Variants in EXOC4 observed in about 807,000 individuals in gnomAD.
EXOC4 encodes exocyst complex component 4.
Under a neutral mutation model 107.2 loss-of-function variants are expected in EXOC4, and 71 were observed. The observed-to-expected ratio is 0.66, with a 90% confidence interval of 0.55 to 0.81. EXOC4 has a LOEUF of 0.81. Among genes scored for constraint, EXOC4 ranks in the 30% least tolerant of loss-of-function variants. The probability of loss-of-function intolerance (pLI) is 0.00; values close to 1 mark genes in which losing one functional copy is unlikely to be tolerated. For synonymous variants in EXOC4, 456 were observed against 441.2 expected (o/e 1.03, Z -0.42); for missense variants, 1,108 against 1,189.6 (o/e 0.93, Z 1.01).
chr7:133,759,831 A>G (rs1366661323), intron 10 of EXOC4, among the ~76,000 whole-genome samples: 1 of 152,168 alleles, frequency 6.6e-6, no homozygotes, highest in Non-Finnish European at 1.5e-5. Flanking sequence ...AGGAAGGAGT[A>G]CAGTAGAAGA....
At chr7:133,360,090 A>G (rs1342763520) in intron 6 of EXOC4, among the ~76,000 whole-genome samples, 1 of 152,256 alleles carries the variant, frequency 6.6e-6, no homozygotes, top group Non-Finnish European at 1.5e-5. Flanking sequence ...AAAGACAGGC[A>G]GCGTCTTCAA....
chr7:133,737,721 GTTTGT>G (rs1562976944), intron 10 of EXOC4, among the ~76,000 whole-genome samples: 1 of 151,844 alleles, frequency 6.6e-6, no homozygotes, highest in Non-Finnish European at 1.5e-5. Context: ...GGTTTTTCAG[GTTTGT>G]TTTGTTTTTT....
intron 5 of EXOC4, among the ~76,000 whole-genome samples, chr7:133,350,171 A>C (rs1795875481): frequency 6.6e-6 from 1 of 152,118 alleles, no homozygotes; most frequent in Middle Eastern, 3.4e-3. Context: ...AAAATTTTAA[A>C]ATTTTCATGC....
intron 9 of EXOC4, among the ~76,000 whole-genome samples, chr7:133,581,113 C>T (rs1437066559): frequency 6.6e-6 from 1 of 152,168 alleles, no homozygotes; most frequent in Non-Finnish European, 1.5e-5. Flanking sequence ...TTTCCTGCTG[C>T]TTTTGATACA....
At chr7:133,312,278 G>C (rs1284259809) in intron 4 of EXOC4, among the ~76,000 whole-genome samples, 1 of 152,054 alleles carries the variant, frequency 6.6e-6, no homozygotes, top group Non-Finnish European at 1.5e-5. Context: ...AAAGCAAGTT[G>C]AAAAATAGCA....
At chr7:133,407,628 A>T (rs1442502772) in intron 7 of EXOC4, among the ~76,000 whole-genome samples, 1 of 152,212 alleles carries the variant, frequency 6.6e-6, no homozygotes, top group African/African-American at 2.4e-5. Context: ...TGTGTGTAAG[A>T]TGTAGTCCAC....
intron 6 of EXOC4, among the ~76,000 whole-genome samples, chr7:133,367,893 TGATA>T (rs1473125975): frequency 4.6e-5 from 7 of 152,224 alleles, no homozygotes; most frequent in Admixed American, 4.6e-4. Context: ...TCATTGTCAC[TGATA>T]CTTCATTTCA....
At chr7:133,442,017 C>T (rs1298084467) in intron 7 of EXOC4, among the ~76,000 whole-genome samples, 1 of 152,224 alleles carries the variant, frequency 6.6e-6, no homozygotes, top group Non-Finnish European at 1.5e-5. Context: ...ATTCTGACCA[C>T]TTGGTCATTC....
the EXOC4 span, among the ~76,000 whole-genome samples, chr7:134,078,040 G>A: frequency 6.6e-6 from 1 of 152,160 alleles, no homozygotes; most frequent in Non-Finnish European, 1.5e-5. Context: ...GCCTGTTGCT[G>A]CCTCTGGGAC....
chr7:133,418,256 A>G (rs1432838366), intron 7 of EXOC4, among the ~76,000 whole-genome samples: 1 of 152,182 alleles, frequency 6.6e-6, no homozygotes, highest in Non-Finnish European at 1.5e-5. Flanking sequence ...GTGCCCAGAA[A>G]TTTAGTATTG....
At chr7:133,497,443 T>C (rs865786974) in intron 9 of EXOC4, among the ~76,000 whole-genome samples, 3 of 151,800 alleles carry the variant, frequency 2.0e-5, no homozygotes, top group Admixed American at 6.6e-5. Context: ...TTTTTTTTTT[T>C]TGAGACGGAG....
intron 12 of EXOC4, among the ~76,000 whole-genome samples, chr7:133,910,265 A>T (rs145001123): frequency 6.6e-6 from 1 of 152,200 alleles, no homozygotes; most frequent in Non-Finnish European, 1.5e-5. Flanking sequence ...CCTGTGTTAC[A>T]GTATAATTTT....
chr7:133,833,872 A>C (rs1366734131), intron 11 of EXOC4, among the ~76,000 whole-genome samples: 2 of 152,178 alleles, frequency 1.3e-5, no homozygotes, highest in African/African-American at 4.8e-5. Flanking sequence ...GCCCTTGCAC[A>C]ACTTTCAATA....
At chr7:133,700,437 T>A (rs1794633014) in intron 10 of EXOC4, among the ~76,000 whole-genome samples, 1 of 152,176 alleles carries the variant, frequency 6.6e-6, no homozygotes, top group Non-Finnish European at 1.5e-5. Flanking sequence ...GAAAATATAT[T>A]GGTTGTGGGC....
At chr7:134,046,192 C>T (rs1200980539) in intron 17 of EXOC4, among the ~76,000 whole-genome samples, 2 of 152,134 alleles carry the variant, frequency 1.3e-5, no homozygotes, top group African/African-American at 4.8e-5. Flanking sequence ...ATGTTAAAAC[C>T]ACCTCAGGGC....
intron 10 of EXOC4, among the ~76,000 whole-genome samples, chr7:133,661,673 A>AAAAAC: frequency 4.9e-5 from 1 of 20,564 alleles, no homozygotes; most frequent in Non-Finnish European, 1.2e-4. Flanking sequence ...CCTTAAAACT[A>AAAAAC]AAAAAAAAAA....
intron 11 of EXOC4, among the ~76,000 whole-genome samples, chr7:133,849,274 G>C (rs1450084379): frequency 1.3e-5 from 2 of 152,126 alleles, no homozygotes; most frequent in Non-Finnish European, 2.9e-5. Context: ...AATTCAATTA[G>C]CTGGGCATGG....
downstream of EXOC4, chr7:134,065,961 G>C (rs1358965165): frequency 6.6e-6 from 1 of 152,272 alleles, no homozygotes; most frequent in Non-Finnish European, 1.5e-5. Context: ...GTCAGGCAGT[G>C]GGGCTGCCGG....
At chr7:133,787,959 ATATT>A (rs1470426355) in intron 10 of EXOC4, among the ~76,000 whole-genome samples, 1,329 of 13,660 alleles carry the variant, frequency 0.097, 231 homozygotes, top group East Asian at 0.22. Flanking sequence ...ATATATTTAT[ATATT>A]TATATATATA....
Sources: gnomAD v4.1 joint callset for allele counts (sites outside exome capture counted in the v4.1 genomes callset) on GRCh38, gnomAD v4.1.1 for gene constraint, MANE v1.5 for transcripts, NCBI Gene and HGNC (gene_info 2026-07-23, HGNC 2026-07-21) for gene names.